Variants in CACNA1H observed in about 807,000 individuals in gnomAD.
CACNA1H encodes the protein calcium voltage-gated channel subunit alpha1 H, also known as voltage-dependent T-type calcium channel subunit alpha-1H.
Under a neutral mutation model 192.5 loss-of-function variants are expected in CACNA1H, and 149 were observed. The observed-to-expected ratio is 0.77, with a 90% CI of 0.68 to 0.89. The LOEUF (loss-of-function observed/expected upper bound fraction) is 0.89. CACNA1H is among the 40% of genes least tolerant of loss of function. The pLI, the probability that CACNA1H is intolerant of heterozygous loss-of-function variation, is 0.00. For missense variants in CACNA1H, 4,257 were observed against 3,423.5 expected, an observed-to-expected ratio of 1.24 and a Z score of -6.08; for synonymous variants, 2,202 against 1,475.2, an observed-to-expected ratio of 1.49 and a Z score of -11.29.
At chr16:1,174,387 G>A (rs1964660881) in intron 2 of CACNA1H, among the ~76,000 whole-genome samples, 1 of 152,300 alleles carries the variant, frequency 6.6e-6, no homozygotes, top group East Asian at 1.9e-4. Flanking sequence ...CATGAATTTA[G>A]CCCATTGCTG....
At chr16:1,211,143 C>T in intron 21 of CACNA1H, 25 bp from the exon 22 acceptor site, 1 of 1,610,256 alleles carries the variant, frequency 6.2e-7, no homozygotes, top group Non-Finnish European at 8.5e-7. Context: ...TAGATGACTG[C>T]AGTGTATCCT....
intron 30 of CACNA1H, 65 bp downstream of exon 30, chr16:1,215,658 G>T (rs977839051): frequency 2.3e-5 from 31 of 1,325,752 alleles, no homozygotes; most frequent in Non-Finnish European, 3.2e-5. Context: ...GGAGCGCCTC[G>T]CCGTCCCCCT....
At position 1,200,779 on chromosome 16, in the gene CACNA1H, A is replaced by G; in HGVS notation, c.1183A>G (p.Asn395Asp). 1 of 1,553,450 alleles carries G rather than the reference A, an allele frequency of 6.4e-7. No homozygotes were observed. Among genetic ancestry groups the G allele is most frequent in the Non-Finnish European group, 8.7e-7 (1 of 1,148,260 alleles). Residue 395 changes from asparagine to aspartate, a missense_variant, in exon 8 of 35, where the codon AAC becomes GAC. By Grantham distance (23) the Asn-to-Asp change is conservative. Coordinates refer to ENST00000348261, the MANE Select transcript of CACNA1H (RefSeq NM_021098.3). ...CGTCATGGACGCCCACTCATTCTAC[A>G]ACTTCATCTATTTCATCCTGCTCAT... ...YYVMDAHSFY[N>D]FIYFILLIIV...
chr16:1,153,627 C>G, intron 1 of CACNA1H, 93 bp from the exon 2 acceptor site: 1 of 790,862 alleles, frequency 1.3e-6, no homozygotes, highest in East Asian at 4.3e-5. Context: ...ACAAAGACAT[C>G]CCGGCGGCCG....
chr16:1,172,880 A>C (rs1343121223), intron 2 of CACNA1H, among the ~76,000 whole-genome samples: 1 of 151,712 alleles, frequency 6.6e-6, no homozygotes, highest in East Asian at 2.0e-4. Context: ...GATCAGGGCC[A>C]GGACAGCCCC....
intron 2 of CACNA1H, among the ~76,000 whole-genome samples, chr16:1,170,350 G>A (rs1366488955): frequency 3.3e-5 from 5 of 152,246 alleles, no homozygotes; most frequent in African/African-American, 1.2e-4. Flanking sequence ...GGCTCCCTGG[G>A]ACGGAGCCAG....
chr16:1,164,601 G>T (rs1168344366), intron 2 of CACNA1H, among the ~76,000 whole-genome samples: 3 of 152,266 alleles, frequency 2.0e-5, no homozygotes, highest in African/African-American at 7.2e-5. Flanking sequence ...ACCCCGGGCG[G>T]TGCCGAGCGT....
At position 1,211,519 on chromosome 16, in the gene CACNA1H, C is replaced by T; in HGVS notation, c.4389C>T (p.Asp1463=). The T allele has an allele frequency of 1.2e-6, 2 of 1,612,516 alleles. No individual in the cohort carries two copies. The highest frequency in any genetic ancestry group is 1.7e-6 in the Non-Finnish European group (2 of 1,179,724). The part of the protein sequence containing the change: ...KGKFYYCEGP[D]TRNISTKAQC... The stretch of plus-strand genomic sequence containing the variant: ...AGTTCTACTACTGCGAGGGCCCCGA[C>T]ACCAGGAACATCTCCACCAAGGCAC... Residue 1463 remains aspartate, a synonymous_variant, in exon 23 of 35, where the codon GAC becomes GAT. Coordinates refer to ENST00000348261, the MANE Select transcript of CACNA1H (RefSeq NM_021098.3).
intron 27 of CACNA1H, 74 bp from the exon 28 acceptor site, chr16:1,214,898 C>T (rs554594541): frequency 1.4e-5 from 16 of 1,129,176 alleles, no homozygotes; most frequent in Admixed American, 9.9e-5. Flanking sequence ...GGCACTCGGG[C>T]GTGCAGAGTG....
intron 27 of CACNA1H, among the ~76,000 whole-genome samples, chr16:1,214,656 G>A (rs1969850903): frequency 6.6e-6 from 1 of 152,222 alleles, no homozygotes; most frequent in South Asian, 2.1e-4. Context: ...CCATCGGGGT[G>A]CACAGACGGC....
At chr16:1,219,390 G>A (rs1463854768) in intron 34 of CACNA1H, among the ~76,000 whole-genome samples, 1 of 152,170 alleles carries the variant, frequency 6.6e-6, no homozygotes, top group Non-Finnish European at 1.5e-5. Flanking sequence ...ACAGCTTCAG[G>A]CCCCACGGTG....
At chr16:1,208,282 T>A (rs1968995300) in intron 16 of CACNA1H, 61 bp downstream of exon 16, 2 of 1,228,236 alleles carry the variant, frequency 1.6e-6, no homozygotes, top group Non-Finnish European at 1.2e-6. Context: ...CCTGGCTCCT[T>A]ATGGCCTTCC....
rs192575964 is a variant in CACNA1H, at chr16:1,179,574, G to A, written c.300-15398G>A. On this transcript the variant is annotated intron_variant, in intron 2 of 34. Coordinates refer to ENST00000348261, the MANE Select transcript of CACNA1H (RefSeq NM_021098.3). ...CTCCTGAATAGCTGGGATTACAGGC[G>A]CCCGCCACCATGCCTGGCTAATTTT... Among the ~76,000 whole-genome samples, 605 of 149,876 alleles carry A rather than the reference G, an allele frequency of 4.0e-3. 2 individuals are homozygous for A. Among genetic ancestry groups the A allele is most frequent in the African/African-American group, 0.014 (574 of 40,624 alleles).
Position 1,201,951 on chromosome 16 carries a change from G to C in CACNA1H, c.1501G>C (p.Gly501Arg). 1 of 1,546,700 alleles carries C rather than the reference G, an allele frequency of 6.5e-7. No homozygotes were observed. The highest frequency in any genetic ancestry group is 8.7e-7 in the Non-Finnish European group (1 of 1,145,064). ...DPSAVQGQGP[G>R]HRQRRAGRHT... ...CAGTGCTGTGCAAGGCCAGGGTCCC[G>C]GGCACCGCCAGCGCCGGGCAGGCAG... is the stretch of plus-strand genomic sequence containing the variant. The change falls in exon 9 of 35, where the codon GGG becomes CGG. Residue 501 changes from glycine (G) to arginine (R), a missense_variant. By Grantham distance (125) the Gly-to-Arg change is moderately radical (BLOSUM62 -2). Transcript: ENST00000348261.
Position 1,200,486 on chromosome 16 carries a change from A to T in CACNA1H, c.1034A>T (p.Asn345Ile). ...NACINWNQYY[N>I]VCRSGDSNPH... ...TGCATCAACTGGAACCAGTACTACA[A>T]CGTGTGCCGCTCGGGTGACTCCAAC... The change falls in exon 7 of 35, where the codon AAC (asparagine) becomes ATC (isoleucine). Residue 345 changes from asparagine (N) to isoleucine (I), a missense_variant. Transcript: ENST00000348261. 6.2e-7 allele frequency: 1 copy of T among 1,612,034 alleles called. No individual in the cohort carries two copies. Among genetic ancestry groups the T allele is most frequent in the Non-Finnish European group, 8.5e-7 (1 of 1,179,660 alleles).
Position 1,207,820 on chromosome 16 carries a change from C to T in CACNA1H, c.3114C>T (p.Phe1038=), listed in dbSNP as rs374946880. 2.4e-5 allele frequency: 39 copies of T among 1,602,002 alleles called. No homozygotes were observed. Among genetic ancestry groups the T allele is most frequent in the Admixed American group, 1.2e-4 (7 of 58,404 alleles). ...DTDEDKTSVH[F]EEDFHKLREL... The stretch of plus-strand genomic sequence containing the variant: ...ACGAGGACAAGACGTCGGTCCACTT[C>T]GAGGAGGACTTCCACAAGCTCAGAG... The change falls in exon 15 of 35, where the codon TTC becomes TTT. Residue 1038 remains phenylalanine (F), a synonymous_variant. Coordinates refer to ENST00000348261, the MANE Select transcript of CACNA1H (RefSeq NM_021098.3).
At chr16:1,178,065 C>A (rs1305748790) in intron 2 of CACNA1H, among the ~76,000 whole-genome samples, 1 of 103,672 alleles carries the variant, frequency 9.6e-6, no homozygotes. Flanking sequence ...CGGAACCCCC[C>A]CCCCCATGGA....
At chr16:1,212,378 T>A (rs1314012539) in intron 25 of CACNA1H, 133 bp from the exon 26 acceptor site, 1 of 1,047,798 alleles carries the variant, frequency 9.5e-7, no homozygotes, top group Admixed American at 2.5e-5. Context: ...AAGAGGCAGG[T>A]TCCCCACCGA....
At position 1,215,326 on chromosome 16, in the gene CACNA1H, C is replaced by T. The variant is rs765715871; in HGVS notation, c.5124C>T (p.Pro1708=). Residue 1708 remains proline, a synonymous_variant, in exon 29 of 35, where the codon CCC becomes CCT. Coordinates refer to ENST00000348261, the MANE Select transcript of CACNA1H (RefSeq NM_021098.3). The part of the protein sequence containing the change: ...LEEIEMSAAL[P]INPTIIRIMR... ...AGATAGAGATGAGCGCCGCGCTGCC[C>T]ATCAACCCCACCATCATCCGCATCA... 4.3e-6 allele frequency: 7 copies of T among 1,611,732 alleles called. No individual in the cohort carries two copies. The Admixed American group carries it at 1.0e-4, about 23-fold the overall frequency.
Sources: gnomAD v4.1 joint callset for allele counts (sites outside exome capture counted in the v4.1 genomes callset) on GRCh38, gnomAD v4.1.1 for gene constraint, MANE v1.5 for transcripts, NCBI Gene and HGNC (gene_info 2026-07-23, HGNC 2026-07-21) for gene names.